The following UNC5D variants were observed in gnomAD, a reference collection of about 807,000 sequenced individuals.
The protein encoded by UNC5D is unc-5 netrin receptor D.
In UNC5D, 39 loss-of-function variants were observed where a neutral mutation model predicts 105.4. The observed-to-expected ratio is 0.37, with a 90% confidence interval of 0.29 to 0.48. The LOEUF (loss-of-function observed/expected upper bound fraction) is 0.48. UNC5D is among the 20% of genes least tolerant of loss of function. The pLI is 0.98. For missense variants in UNC5D, 991 were observed against 1,202.4 expected (o/e 0.82, Z 2.60); for synonymous variants, 452 against 450.4 (o/e 1.00, Z -0.04).
At chr8:35,484,357 A>G (rs1335581748) in intron 1 of UNC5D, among the ~76,000 whole-genome samples, 4 of 152,134 alleles carry the variant, frequency 2.6e-5, no homozygotes, top group Admixed American at 2.0e-4. Context: ...CAGAATCTTT[A>G]GTTATTCTCA....
chr8:35,747,921 TATG>T (rs1466016729), intron 11 of UNC5D, among the ~76,000 whole-genome samples: 1 of 152,266 alleles, frequency 6.6e-6, no homozygotes, highest in African/African-American at 2.4e-5. Context: ...CACATTTATG[TATG>T]ATATTATGCA....
chr8:35,309,527 G>C (rs748056238), intron 1 of UNC5D, among the ~76,000 whole-genome samples: 1 of 152,210 alleles, frequency 6.6e-6, no homozygotes, highest in Non-Finnish European at 1.5e-5. Flanking sequence ...TATTAGTTAA[G>C]TGTAAGTCTC....
chr8:35,602,310 C>T (rs905797127), intron 4 of UNC5D, among the ~76,000 whole-genome samples: 1 of 152,166 alleles, frequency 6.6e-6, no homozygotes, highest in African/African-American at 2.4e-5. Flanking sequence ...ATGCTGGCCT[C>T]ATAAAATGAG....
intron 1 of UNC5D, among the ~76,000 whole-genome samples, chr8:35,470,479 G>A (rs1809624370): frequency 6.6e-6 from 1 of 151,796 alleles, no homozygotes; most frequent in Admixed American, 6.6e-5. Context: ...GCATAGGCCA[G>A]GTGTGCTGAC....
chr8:35,333,640 C>T (rs1332183850), intron 1 of UNC5D, among the ~76,000 whole-genome samples: 3 of 151,980 alleles, frequency 2.0e-5, no homozygotes, highest in Non-Finnish European at 4.4e-5. Flanking sequence ...CCCCCACGCC[C>T]GGCTAATTTT....
At chr8:35,467,449 T>C (rs1483911279) in intron 1 of UNC5D, among the ~76,000 whole-genome samples, 2 of 151,940 alleles carry the variant, frequency 1.3e-5, no homozygotes, top group African/African-American at 4.8e-5. Context: ...GAAGATAATT[T>C]AGATTCAGCT....
Position 35,766,969 on chromosome 8 carries a change from G to C in UNC5D, c.2381G>C (p.Arg794Pro). Residue 794 changes from arginine (R) to proline (P), a missense_variant, in exon 15 of 17, where the codon CGT becomes CCT. Transcript: ENST00000404895. ...QPLHCAFSLE[R>P]YTPTTTQLSC... Reference sequence around the variant, plus strand: ...CTGCACTGTGCCTTCTCCCTGGAGCGTTATACGCCCACTACCACCCAGCTG... The same window carrying C: ...CTGCACTGTGCCTTCTCCCTGGAGCCTTATACGCCCACTACCACCCAGCTG... The C allele has an allele frequency of 6.2e-7, 1 of 1,614,028 alleles. No individual in the cohort carries two copies. The highest frequency in any genetic ancestry group is 1.1e-5 in the South Asian group (1 of 91,082).
chr8:35,493,700 CA>C (rs1369525987), intron 1 of UNC5D, among the ~76,000 whole-genome samples: 2 of 152,042 alleles, frequency 1.3e-5, no homozygotes, highest in African/African-American at 4.8e-5. Flanking sequence ...TGGGACTTTT[CA>C]AATTAAACAG....
intron 1 of UNC5D, among the ~76,000 whole-genome samples, chr8:35,309,169 T>G (rs903006250): frequency 2.0e-5 from 3 of 152,196 alleles, no homozygotes; most frequent in Non-Finnish European, 4.4e-5. Context: ...ACATTTTTTT[T>G]GTTATCACCA....
intron 1 of UNC5D, among the ~76,000 whole-genome samples, chr8:35,324,922 A>G (rs878914411): frequency 1.9e-4 from 29 of 152,146 alleles, no homozygotes; most frequent in African/African-American, 6.8e-4. Flanking sequence ...AGGCGTGAGG[A>G]GAGACTGGCA....
intron 4 of UNC5D, among the ~76,000 whole-genome samples, chr8:35,611,048 T>C (rs2918958): frequency 0.1 from 14,647 of 146,950 alleles, 797 homozygotes; most frequent in African/African-American, 0.14. Context: ...AAACATTTAG[T>C]AGTTTCTAAT....
intron 1 of UNC5D, among the ~76,000 whole-genome samples, chr8:35,455,435 C>T (rs567692556): frequency 3.9e-5 from 6 of 151,916 alleles, no homozygotes; most frequent in African/African-American, 9.7e-5. Context: ...AACAACACCA[C>T]GCCTGGCTAA....
At chr8:35,570,221 C>A (rs960643671) in intron 3 of UNC5D, among the ~76,000 whole-genome samples, 5 of 152,186 alleles carry the variant, frequency 3.3e-5, no homozygotes, top group Non-Finnish European at 7.3e-5. Context: ...TGCCATCACA[C>A]CTGCAGTTTC....
At chr8:35,311,678 G>C (rs934118016) in intron 1 of UNC5D, among the ~76,000 whole-genome samples, 3 of 152,140 alleles carry the variant, frequency 2.0e-5, no homozygotes, top group African/African-American at 7.2e-5. Flanking sequence ...GAATTAAACT[G>C]TGCAGACTTT....
chr8:35,545,338 C>T (rs574012909), intron 1 of UNC5D, among the ~76,000 whole-genome samples: 2 of 152,308 alleles, frequency 1.3e-5, no homozygotes, highest in African/African-American at 4.8e-5. Context: ...TTCCCTTTTA[C>T]TGAAAGAATT....
At chr8:35,326,353 G>A (rs1037506920) in intron 1 of UNC5D, among the ~76,000 whole-genome samples, 4 of 152,192 alleles carry the variant, frequency 2.6e-5, no homozygotes, top group Non-Finnish European at 4.4e-5. Context: ...GTCAAAGCAC[G>A]TGGTTGGAAA....
rs572943337 is a variant in UNC5D at position 35,790,628 on chromosome 8, G to A, written c.*65G>A. ...GGACATTTGCTTTAAATGGGAAAGAGGCCGCTTTCTGCCCAGTGGCGTTGG... is the reference window on the plus strand; with the variant it reads ...GGACATTTGCTTTAAATGGGAAAGAAGCCGCTTTCTGCCCAGTGGCGTTGG... On this transcript the variant is annotated 3_prime_UTR_variant, in exon 17 of 17. Coordinates refer to ENST00000404895, the MANE Select transcript of UNC5D (RefSeq NM_080872.4). The A allele has an allele frequency of 8.8e-5, 138 of 1,575,526 alleles. No homozygotes were observed. Among genetic ancestry groups the A allele is most frequent in the Non-Finnish European group, 1.1e-4 (128 of 1,152,598 alleles).
intron 1 of UNC5D, among the ~76,000 whole-genome samples, chr8:35,374,110 G>A (rs1802563889): frequency 6.6e-6 from 1 of 152,178 alleles, no homozygotes; most frequent in South Asian, 2.1e-4. Flanking sequence ...CATCCTAAAT[G>A]TGTATTGATG....
At position 35,292,877 on chromosome 8, in the gene UNC5D, C is replaced by T. The variant is rs189119256; in HGVS notation, c.103+56990C>T. Among the ~76,000 whole-genome samples the T allele has an allele frequency of 3.5e-3, 535 of 151,850 alleles. 4 individuals carry two copies. Among genetic ancestry groups the T allele is most frequent in the African/African-American group, 0.012 (511 of 41,428 alleles). On this transcript the variant is annotated intron_variant, in intron 1 of 16. Coordinates refer to ENST00000404895, the MANE Select transcript of UNC5D (RefSeq NM_080872.4). Reference sequence around the variant, plus strand: ...GATTACAGGCATGTGCCACCACATGCGGCTAATTTTTGATGATGGCCAGGG... The same window carrying T: ...GATTACAGGCATGTGCCACCACATGTGGCTAATTTTTGATGATGGCCAGGG...
Sources: allele counts gnomAD v4.1 joint callset (sites outside exome capture counted in the v4.1 genomes callset), GRCh38; gene constraint gnomAD v4.1.1; transcripts MANE v1.5; gene names NCBI Gene and HGNC (gene_info 2026-07-23, HGNC 2026-07-21).